ARSF: variants seen among roughly 807,000 people sequenced by gnomAD.
The protein encoded by ARSF is arylsulfatase F.
A neutral mutation model predicts 35.4 loss-of-function variants in ARSF; 33 were observed. The ratio of observed to expected loss-of-function variants is 0.93; its 90% CI spans 0.71 to 1.25. ARSF has a LOEUF of 1.25. Ranked by LOEUF, ARSF falls within the 50% of genes most tolerant of loss-of-function variation. The probability of loss-of-function intolerance (pLI) is 0.00; values close to 1 mark genes in which losing one functional copy is unlikely to be tolerated. For missense variants in ARSF, 501 were observed against 480.2 expected (o/e 1.04, Z -0.40); for synonymous variants, 222 against 193.1 (o/e 1.15, Z -1.24).
intron 7 of ARSF, among the ~76,000 whole-genome samples, chrX:3,094,739 T>C (rs1410014745): frequency 9.0e-6 from 1 of 110,786 alleles, no homozygotes; most frequent in Non-Finnish European, 1.9e-5. Context: ...CAACACAGCT[T>C]GGGCAGCAAC....
intron 1 of ARSF, among the ~76,000 whole-genome samples, chrX:3,049,331 C>T (rs186062018): frequency 0.01 from 469 of 45,359 alleles, 5 homozygotes; most frequent in African/African-American, 0.038. Context: ...TTACATGTGA[C>T]GGAGGTTGGG....
At chrX:3,098,956 G>A (rs766950710) in intron 7 of ARSF, among the ~76,000 whole-genome samples, 3 of 109,674 alleles carry the variant, frequency 2.7e-5, no homozygotes, top group Non-Finnish European at 3.8e-5. Flanking sequence ...AACAACTCCC[G>A]TGTCCCCTTC....
At position 3,112,692 on chromosome X, in the gene ARSF, C is replaced by T; in HGVS notation, c.*136C>T. On this transcript the variant is annotated 3_prime_UTR_variant, in exon 11 of 11. Transcript: ENST00000381127. ...ATTTAATAGTCAATAAATTCATCTA[C>T]CATTCCAGATTATTAAAGGCCCACT... 1 of 944,341 alleles carries T rather than the reference C, an allele frequency of 1.1e-6. No homozygotes were observed. Among genetic ancestry groups the T allele is most frequent in the Non-Finnish European group, 1.4e-6 (1 of 729,737 alleles). The allele number at this position is 944,341 out of a possible 1,213,427, so 77.8% of individuals were successfully genotyped here. A position where few individuals can be genotyped will look rare whatever the true frequency, so the allele number is the denominator to read the frequency against.
At chrX:3,112,078 T>A in intron 10 of ARSF, 96 bp from the exon 11 acceptor site, 1 of 705,753 alleles carries the variant, frequency 1.4e-6, no homozygotes, top group Non-Finnish European at 2.1e-6. Context: ...GTTTGTGGCC[T>A]GGGGACTGGG....
At chrX:3,064,904 A>C (rs1035714966) in intron 1 of ARSF, among the ~76,000 whole-genome samples, 4 of 111,695 alleles carry the variant, frequency 3.6e-5, no homozygotes, top group African/African-American at 1.3e-4. Flanking sequence ...GCAATTCCTC[A>C]AGGATCTAGA....
At chrX:3,055,342 C>CAAA (rs770014108) in intron 1 of ARSF, among the ~76,000 whole-genome samples, 44 of 32,429 alleles carry the variant, frequency 1.4e-3, no homozygotes, top group African/African-American at 4.8e-3. Flanking sequence ...AACTCCATTT[C>CAAA]AAAAAAAAAA....
intron 1 of ARSF, among the ~76,000 whole-genome samples, chrX:3,063,256 C>A (rs1467092143): frequency 3.6e-5 from 4 of 111,338 alleles, no homozygotes; most frequent in Non-Finnish European, 7.5e-5. Flanking sequence ...ATTCAGCAGC[C>A]CTTCATGCTA....
At position 3,112,340 on chromosome X, in the gene ARSF, G is replaced by A. The variant is rs754019023; in HGVS notation, c.1557G>A (p.Leu519=). 2.5e-6 allele frequency: 3 copies of A among 1,211,193 alleles called. No homozygotes were observed. In the Admixed American group the frequency reaches 6.5e-5, roughly 26 times the overall value. Residue 519 remains leucine (L), a synonymous_variant, in exon 11 of 11, where the codon CTG becomes CTA. Transcript: ENST00000381127. ...LSRDPSESTP[L]TPATEPLHDF... ...GGGACCCCTCAGAGTCCACACCCCTGACACCTGCCACAGAGCCCCTCCATG... is the reference window on the plus strand; with the variant it reads ...GGGACCCCTCAGAGTCCACACCCCTAACACCTGCCACAGAGCCCCTCCATG...
At chrX:3,086,817 T>A (rs762899880) in intron 6 of ARSF, among the ~76,000 whole-genome samples, 3 of 110,951 alleles carry the variant, frequency 2.7e-5, no homozygotes, top group Non-Finnish European at 3.8e-5. Context: ...GGCCCTGTCT[T>A]AAAAAATAAA....
chrX:3,077,398 G>T (rs1371921815), intron 4 of ARSF, among the ~76,000 whole-genome samples: 1 of 111,811 alleles, frequency 8.9e-6, no homozygotes, highest in Non-Finnish European at 1.9e-5. Context: ...CAGCACTTTG[G>T]GAGGCCAAGG....
chrX:3,084,821 A>G (rs184731565), intron 6 of ARSF, among the ~76,000 whole-genome samples, 155 bp downstream of exon 6: 64 of 111,909 alleles, frequency 5.7e-4, no homozygotes, highest in African/African-American at 2.0e-3. Flanking sequence ...TAGAATAAAG[A>G]AAAGACAAAT....
chrX:3,052,952 A>G (rs1332719134), intron 1 of ARSF, among the ~76,000 whole-genome samples: 3 of 111,338 alleles, frequency 2.7e-5, no homozygotes, highest in Non-Finnish European at 5.6e-5. Context: ...ATTGCTGAGA[A>G]AGACTGGGTG....
At chrX:3,098,458 G>T (rs748191918) in intron 7 of ARSF, among the ~76,000 whole-genome samples, 2 of 111,048 alleles carry the variant, frequency 1.8e-5, no homozygotes, top group East Asian at 2.8e-4. Flanking sequence ...CACATGTTGT[G>T]GGGGGGACCT....
At chrX:3,099,511 T>C (rs2090361611) in intron 7 of ARSF, among the ~76,000 whole-genome samples, 1 of 111,177 alleles carries the variant, frequency 9.0e-6, no homozygotes, top group East Asian at 2.8e-4. Context: ...GTCCCTTGAA[T>C]TGGGTTGGTT....
At chrX:3,075,797 TTC>T (rs753358539) in intron 3 of ARSF, among the ~76,000 whole-genome samples, 37 of 108,370 alleles carry the variant, frequency 3.4e-4, no homozygotes, top group Non-Finnish European at 6.1e-4. Flanking sequence ...ATCCATTTCT[TTC>T]TGTGTCTTTC....
chrX:3,064,082 CA>C (rs1237473344), intron 1 of ARSF, among the ~76,000 whole-genome samples: 1 of 111,872 alleles, frequency 8.9e-6, no homozygotes, highest in Non-Finnish European at 1.9e-5. Flanking sequence ...ACCAAAACAG[CA>C]TGGTACTCAT....
chrX:3,064,966 G>A (rs2090057353), intron 1 of ARSF, among the ~76,000 whole-genome samples: 1 of 111,384 alleles, frequency 9.0e-6, no homozygotes, highest in Non-Finnish European at 1.9e-5. Context: ...TATACCCAAA[G>A]CATTATAAAT....
intron 1 of ARSF, among the ~76,000 whole-genome samples, chrX:3,048,326 C>A (rs926174365): frequency 8.9e-6 from 1 of 112,163 alleles, no homozygotes; most frequent in African/African-American, 3.2e-5. Context: ...AGCTACATAC[C>A]CCCCTCACAA....
rs144153371 is a variant in ARSF at position 3,084,663 on chromosome X, A to G, written c.827A>G (p.Glu276Gly). Residue 276 changes from glutamate to glycine, a missense_variant, in exon 6 of 11, where the codon GAA becomes GGA. Transcript: ENST00000381127. ...GTGAAGGAAGCGATTTCCTTTTTAG[A>G]AAGGTAAGCGGAATAATTACAAATT... ...IMVKEAISFL[E>G]RHSKETFLLF... is the part of the protein sequence containing the mutation. 71 of 1,157,165 alleles carry G rather than the reference A, an allele frequency of 6.1e-5. No homozygotes were observed. In the African/African-American group the frequency reaches 1.1e-3, roughly 18 times the overall value.
Sources: gnomAD v4.1 joint callset for allele counts (sites outside exome capture counted in the v4.1 genomes callset) on GRCh38, gnomAD v4.1.1 for gene constraint, MANE v1.5 for transcripts, NCBI Gene and HGNC (gene_info 2026-07-23, HGNC 2026-07-21) for gene names.